The following ADGRL3 variants were observed in gnomAD, a reference collection of about 807,000 sequenced individuals.
The protein encoded by ADGRL3 is calcium-independent alpha-latrotoxin receptor 3.
A neutral mutation model predicts 153.5 loss-of-function variants in ADGRL3; 62 were observed. The observed-to-expected ratio is 0.40, with a 90% CI of 0.33 to 0.50. The LOEUF (loss-of-function observed/expected upper bound fraction) is 0.50. Ranked by LOEUF, ADGRL3 falls within the 20% of genes least tolerant of loss-of-function variation. The pLI is 0.47. For missense variants in ADGRL3, 1,641 were observed against 1,859.4 expected (o/e 0.88, Z 2.16); for synonymous variants, 710 against 672.5 (o/e 1.06, Z -0.86).
At chr4:61,298,407 T>C (rs2094480106) in intron 1 of ADGRL3, among the ~76,000 whole-genome samples, 1 of 152,208 alleles carries the variant, frequency 6.6e-6, no homozygotes, top group Non-Finnish European at 1.5e-5. Flanking sequence ...TAACCCTTAA[T>C]TCCTCCTTAT....
At chr4:61,742,704 A>G (rs960042637) in intron 8 of ADGRL3, among the ~76,000 whole-genome samples, 7 of 152,230 alleles carry the variant, frequency 4.6e-5, no homozygotes, top group African/African-American at 1.7e-4. Flanking sequence ...AAGCTAAATT[A>G]TCGGATAATA....
At chr4:61,311,939 C>T (rs763082544) in intron 1 of ADGRL3, among the ~76,000 whole-genome samples, 2 of 152,038 alleles carry the variant, frequency 1.3e-5, no homozygotes, top group Non-Finnish European at 1.5e-5. Context: ...AACAAATGTA[C>T]CACTCTCATG....
chr4:61,362,978 T>C (rs1024627644), intron 1 of ADGRL3, among the ~76,000 whole-genome samples: 11 of 152,198 alleles, frequency 7.2e-5, no homozygotes, highest in African/African-American at 2.7e-4. Context: ...GTCCTATATT[T>C]TGATTCAAAG....
At chr4:61,275,839 T>C (rs182479586) in intron 1 of ADGRL3, among the ~76,000 whole-genome samples, 2 of 152,330 alleles carry the variant, frequency 1.3e-5, no homozygotes, top group Non-Finnish European at 2.9e-5. Flanking sequence ...CTGTTGAATC[T>C]ATTTATTCTC....
intron 1 of ADGRL3, among the ~76,000 whole-genome samples, chr4:61,379,963 G>A (rs1425952315): frequency 1.3e-5 from 2 of 151,944 alleles, no homozygotes; most frequent in East Asian, 3.9e-4. Flanking sequence ...TGGCTTTTTT[G>A]CCTTCAAATT....
intron 9 of ADGRL3, among the ~76,000 whole-genome samples, chr4:61,862,508 C>G (rs1487209648): frequency 1.3e-5 from 2 of 152,128 alleles, no homozygotes; most frequent in Non-Finnish European, 2.9e-5. Flanking sequence ...TAATCTAACC[C>G]TGAGGTAAAA....
At chr4:61,546,726 G>T (rs907721265) in intron 4 of ADGRL3, among the ~76,000 whole-genome samples, 1 of 152,090 alleles carries the variant, frequency 6.6e-6, no homozygotes, top group Non-Finnish European at 1.5e-5. Context: ...CCAGACATGA[G>T]AAAATGTTTA....
intron 5 of ADGRL3, among the ~76,000 whole-genome samples, chr4:61,603,514 T>A (rs2099020296): frequency 6.6e-6 from 1 of 152,138 alleles, no homozygotes; most frequent in Admixed American, 6.6e-5. Context: ...AAAGTGAAAA[T>A]GGGATCAGAG....
intron 6 of ADGRL3, among the ~76,000 whole-genome samples, chr4:61,710,143 G>T (rs924882796): frequency 1.3e-5 from 2 of 152,176 alleles, no homozygotes; most frequent in Non-Finnish European, 2.9e-5. Flanking sequence ...TTTAAACGCA[G>T]TTCTGAAGTC....
At chr4:61,568,152 C>A (rs188137655) in intron 4 of ADGRL3, among the ~76,000 whole-genome samples, 43 of 152,070 alleles carry the variant, frequency 2.8e-4, no homozygotes, top group African/African-American at 8.9e-4. Flanking sequence ...CGGAAATATT[C>A]TTTCTCTATC....
intron 6 of ADGRL3, among the ~76,000 whole-genome samples, chr4:61,707,977 T>C (rs1265303548): frequency 1.3e-5 from 2 of 152,238 alleles, no homozygotes; most frequent in East Asian, 1.9e-4. Context: ...CTCTCTTCTT[T>C]TGTGGGTTTA....
intron 2 of ADGRL3, among the ~76,000 whole-genome samples, chr4:61,474,446 A>ATTTATTACCT (rs2098016976): frequency 6.6e-6 from 1 of 152,172 alleles, no homozygotes; most frequent in Non-Finnish European, 1.5e-5. Context: ...TGCTTGTAGG[A>ATTTATTACCT]CACTGAGGTA....
At chr4:61,808,245 C>G (rs147969316) in intron 8 of ADGRL3, among the ~76,000 whole-genome samples, 1 of 152,152 alleles carries the variant, frequency 6.6e-6, no homozygotes, top group Non-Finnish European at 1.5e-5. Context: ...TTATCTTGTT[C>G]ATATGGTATC....
chr4:62,043,124 C>T (rs781518321), intron 24 of ADGRL3, among the ~76,000 whole-genome samples: 3 of 151,946 alleles, frequency 2.0e-5, no homozygotes, highest in Non-Finnish European at 2.9e-5. Context: ...TTTGGTTGAT[C>T]ATATTTCAGC....
intron 9 of ADGRL3, among the ~76,000 whole-genome samples, chr4:61,828,352 TCTTAGG>T (rs1171532534): frequency 6.6e-6 from 1 of 152,130 alleles, no homozygotes. Flanking sequence ...ATGGAAAATG[TCTTAGG>T]CTTGTAGTTC....
rs1217331476 is a variant in ADGRL3, at chr4:61,996,405, CTT to C, written c.3303+50_3303+51del. On this transcript the variant is annotated intron_variant, in intron 20 of 26. Transcript: ENST00000683033. ...GTGTTTCCCAGATCAAGAAGTAAAA[CTT>C]TCACTATCCCAGTACTGACTGTCTT... The C allele has an allele frequency of 3.8e-6, 5 of 1,301,008 alleles. No individual in the cohort carries two copies. The African/African-American group carries it at 5.8e-5, about 15-fold the overall frequency. The allele number at this position is 1,301,008 out of a possible 1,614,324, so 80.6% of individuals were successfully genotyped here.
intron 9 of ADGRL3, among the ~76,000 whole-genome samples, chr4:61,857,832 C>T (rs1375117921): frequency 6.6e-6 from 1 of 152,088 alleles, no homozygotes; most frequent in African/African-American, 2.4e-5. Context: ...CTCGCCTCAG[C>T]CTCCCAATTA....
At chr4:61,975,026 T>C (rs1275707900) in intron 17 of ADGRL3, among the ~76,000 whole-genome samples, 2 of 152,186 alleles carry the variant, frequency 1.3e-5, no homozygotes, top group African/African-American at 4.8e-5. Context: ...GTGCAGCTAC[T>C]GTATATTACA....
At chr4:61,265,628 T>C (rs1182816946) in intron 1 of ADGRL3, among the ~76,000 whole-genome samples, 1 of 151,888 alleles carries the variant, frequency 6.6e-6, no homozygotes, top group Non-Finnish European at 1.5e-5. Context: ...AAAAGTGAGA[T>C]AATTGGCTGA....
Sources: allele counts gnomAD v4.1 joint callset (sites outside exome capture counted in the v4.1 genomes callset), GRCh38; gene constraint gnomAD v4.1.1; transcripts MANE v1.5; gene names NCBI Gene and HGNC (gene_info 2026-07-23, HGNC 2026-07-21).